SULT1C3: variants seen among roughly 807,000 people sequenced by gnomAD.
SULT1C3 encodes sulfotransferase 1C3.
In SULT1C3, 31 loss-of-function variants were observed where a neutral mutation model predicts 28.4. The observed-to-expected ratio is 1.09, with a 90% CI of 0.82 to 1.47. The LOEUF is 1.47. SULT1C3 is among the 40% of genes most tolerant of loss of function. SULT1C3 has a pLI of 0.00. For synonymous variants in SULT1C3, 106 were observed against 92.2 expected (o/e 1.15, Z -0.86); for missense variants, 307 against 272.5 (o/e 1.13, Z -0.89).
chr2:108,250,227 CA>C (rs547927648), intron 2 of SULT1C3, among the ~76,000 whole-genome samples: 12 of 146,422 alleles, frequency 8.2e-5, no homozygotes, highest in Admixed American at 6.8e-4. Flanking sequence ...CAACTAAGAA[CA>C]AAAAACAAAA....
rs1675941503 is a variant in SULT1C3 at position 108,258,795 on chromosome 2, G to A, written c.588G>A (p.Arg196=). ...GGTGGGCTGCAAAAGACATGCACCG[G>A]ATCCTCTACCTCTTCTACGAGGATA... is the stretch of plus-strand genomic sequence containing the variant. ...KGWWAAKDMH[R]ILYLFYEDIK... Residue 196 remains arginine (R), a synonymous_variant, in exon 6 of 8, where the codon CGG becomes CGA. Transcript: ENST00000681802. 6.2e-7 allele frequency: 1 copy of A among 1,612,744 alleles called. No individual in the cohort carries two copies.
Position 108,245,011 on chromosome 2 carries a change from C to G in SULT1C3, c.-7-2177C>G, listed in dbSNP as rs186729735. On this transcript the variant is annotated intron_variant, in intron 1 of 7. Coordinates refer to ENST00000681802, the MANE Select transcript of SULT1C3 (RefSeq NM_001320878.2). ...AGTGCATGTTGAAGATGATCTGTTACCCATCTAAAAACAGAAGTGAGAATA... is the reference window on the plus strand; with the variant it reads ...AGTGCATGTTGAAGATGATCTGTTAGCCATCTAAAAACAGAAGTGAGAATA... Among the ~76,000 whole-genome samples the G allele has an allele frequency of 1.3e-4, 20 of 152,276 alleles. 1 individual carries two copies. In the East Asian group the frequency reaches 3.9e-3, roughly 29 times the overall value.
downstream of SULT1C3, chr2:108,265,121 G>A: frequency 1.4e-6 from 2 of 1,464,586 alleles, no homozygotes; most frequent in Admixed American, 4.2e-5. Context: ...CAGCACCACT[G>A]TACAACCTTT....
At chr2:108,253,966 C>A (rs1573221619) in intron 4 of SULT1C3, among the ~76,000 whole-genome samples, 1 of 151,860 alleles carries the variant, frequency 6.6e-6, no homozygotes, top group African/African-American at 2.4e-5. Flanking sequence ...CTAATCTGTG[C>A]ACTACACTGC....
intron 3 of SULT1C3, among the ~76,000 whole-genome samples, chr2:108,252,880 C>T (rs1234064121): frequency 2.0e-5 from 3 of 151,808 alleles, no homozygotes; most frequent in East Asian, 3.9e-4. Flanking sequence ...GGGGATATAC[C>T]GTGGACATTC....
chr2:108,263,025 G>A (rs957196747), downstream of SULT1C3, among the ~76,000 whole-genome samples: 8 of 152,094 alleles, frequency 5.3e-5, no homozygotes, highest in African/African-American at 1.7e-4. Context: ...TTATAACTAA[G>A]ATCTGAGTCC....
At chr2:108,258,696 C>A in intron 5 of SULT1C3, 38 bp from the exon 6 acceptor site, 1 of 1,515,122 alleles carries the variant, frequency 6.6e-7, no homozygotes, top group Non-Finnish European at 9.1e-7. Flanking sequence ...GGGTTTTGTC[C>A]CAGTACTGGG....
In SULT1C3 at chr2:108,253,374, C is replaced by T; in HGVS notation, c.331C>T (p.Pro111Ser). ...DLEFVLEMSSPQLIKTHLPSH... is the reference protein window; with the variant it reads ...DLEFVLEMSSSQLIKTHLPSH... The stretch of plus-strand genomic sequence containing the variant: ...GGAGTTCGTTCTTGAAATGTCCTCA[C>T]CACAACTGATAAAAACACATCTCCC... The change falls in exon 4 of 8, where the codon CCA becomes TCA. Residue 111 changes from proline (P) to serine (S), a missense_variant. Transcript: ENST00000681802. 1 of 1,575,780 alleles carries T rather than the reference C, an allele frequency of 6.3e-7. No individual in the cohort carries two copies. Among genetic ancestry groups the T allele is most frequent in the Non-Finnish European group, 8.6e-7 (1 of 1,163,252 alleles).
At chr2:108,262,636 C>T (rs923755144), downstream of SULT1C3, among the ~76,000 whole-genome samples, 4 of 152,182 alleles carry the variant, frequency 2.6e-5, no homozygotes, top group Non-Finnish European at 4.4e-5. Context: ...AACAGAGTTG[C>T]TGGTCATTTC....
chr2:108,251,837 T>A (rs1675732195), intron 2 of SULT1C3, among the ~76,000 whole-genome samples: 1 of 152,056 alleles, frequency 6.6e-6, no homozygotes, highest in African/African-American at 2.4e-5. Flanking sequence ...AACATTATGA[T>A]ACAATGGAAA....
chr2:108,255,508 A>C, intron 4 of SULT1C3, 64 bp from the exon 5 acceptor site: 4 of 1,565,668 alleles, frequency 2.6e-6, no homozygotes, highest in Non-Finnish European at 3.5e-6. Context: ...TGAAACACTC[A>C]CTTGAGTATT....
chr2:108,254,101 T>C (rs571058369), intron 4 of SULT1C3, among the ~76,000 whole-genome samples: 262 of 151,970 alleles, frequency 1.7e-3, no homozygotes, highest in African/African-American at 6.2e-3. Context: ...TAAAACACAA[T>C]CTGACTGAGG....
At chr2:108,245,171 C>A (rs376740450) in intron 1 of SULT1C3, among the ~76,000 whole-genome samples, 2 of 152,208 alleles carry the variant, frequency 1.3e-5, no homozygotes, top group East Asian at 1.9e-4. Flanking sequence ...CCACCCATGA[C>A]TGCAGACATG....
Position 108,258,825 on chromosome 2 carries a change from A to C in SULT1C3, c.618A>C (p.Lys206Asn). The stretch of plus-strand genomic sequence containing the variant: ...TCTACCTCTTCTACGAGGATATTAA[A>C]AAAGTAAGTGGCACTGAGACTTATA... ...RILYLFYEDI[K>N]KNPKHEIHKV... The change falls in exon 6 of 8, where the codon AAA becomes AAC. Residue 206 changes from lysine to asparagine, a missense_variant. Lys to Asn is a moderately conservative substitution (Grantham distance 94). Coordinates refer to ENST00000681802, the MANE Select transcript of SULT1C3 (RefSeq NM_001320878.2). The C allele has an allele frequency of 6.2e-7, 1 of 1,611,212 alleles. No individual in the cohort carries two copies. Among genetic ancestry groups the C allele is most frequent in the Non-Finnish European group, 8.5e-7 (1 of 1,178,176 alleles).
intron 1 of SULT1C3, among the ~76,000 whole-genome samples, chr2:108,241,232 A>G (rs535945055): frequency 6.6e-6 from 1 of 152,376 alleles, no homozygotes; most frequent in Admixed American, 6.5e-5. Context: ...CAGTCAAAGC[A>G]TATGTAAAAT....
downstream of SULT1C3, among the ~76,000 whole-genome samples, chr2:108,264,443 C>T (rs558963948): frequency 7.2e-5 from 11 of 152,200 alleles, no homozygotes; most frequent in Non-Finnish European, 1.5e-4. Context: ...CTATGCTTCA[C>T]CACCAACATT....
downstream of SULT1C3, among the ~76,000 whole-genome samples, chr2:108,264,124 TGGG>T (rs1277790081): frequency 2.6e-5 from 4 of 152,190 alleles, no homozygotes; most frequent in Non-Finnish European, 2.9e-5. Flanking sequence ...TCCCACATAT[TGGG>T]ACAGTGGACT....
chr2:108,264,700 A>G, downstream of SULT1C3: 1 of 987,610 alleles, frequency 1.0e-6, no homozygotes. Context: ...GTCACTTGAG[A>G]AATATTTTTA....
At position 108,253,355 on chromosome 2, in the gene SULT1C3, C is replaced by G; in HGVS notation, c.312C>G (p.Phe104Leu). ...ATTGTTTCTTGCTAGATTTGGAGTT[C>G]GTTCTTGAAATGTCCTCACCACAAC... ...FPHKEKPDLE[F>L]VLEMSSPQLI... The change falls in exon 4 of 8, where the codon TTC becomes TTG. Residue 104 changes from phenylalanine (F) to leucine (L), a missense_variant. By Grantham distance (22) the Phe-to-Leu change is conservative (BLOSUM62 0). Transcript: ENST00000681802. The G allele has an allele frequency of 2.0e-6, 3 of 1,536,176 alleles. No homozygotes were observed. Among genetic ancestry groups the G allele is most frequent in the Non-Finnish European group, 2.6e-6 (3 of 1,143,656 alleles).
Sources: allele counts gnomAD v4.1 joint callset (sites outside exome capture counted in the v4.1 genomes callset), GRCh38; gene constraint gnomAD v4.1.1; transcripts MANE v1.5; gene names NCBI Gene and HGNC (gene_info 2026-07-23, HGNC 2026-07-21).